The following ZNF438 variants were observed in gnomAD, a reference collection of about 807,000 sequenced individuals.
ZNF438 encodes zinc finger protein 438.
A neutral mutation model predicts 38.0 loss-of-function variants in ZNF438; 25 were observed. That is an observed-to-expected ratio of 0.66 (90% CI 0.48 to 0.92). The LOEUF (loss-of-function observed/expected upper bound fraction) is 0.92. ZNF438 is among the 40% of genes least tolerant of loss of function. The pLI is 0.00. For missense variants in ZNF438, 1,007 were observed against 999.6 expected (o/e 1.01, Z -0.10); for synonymous variants, 372 against 364.1 (o/e 1.02, Z -0.25).
chr10:30,978,625 A>AC (rs1205188061), intron 1 of ZNF438, among the ~76,000 whole-genome samples: 1 of 152,082 alleles, frequency 6.6e-6, no homozygotes, highest in Non-Finnish European at 1.5e-5. Context: ...GTCACAACCC[A>AC]CCCTTAGCTG....
chr10:30,901,124 C>T (rs141212758), intron 3 of ZNF438, among the ~76,000 whole-genome samples: 22 of 152,256 alleles, frequency 1.4e-4, no homozygotes, highest in African/African-American at 4.6e-4. Context: ...ATCAGGAAGT[C>T]GCCTTTCTTA....
intron 4 of ZNF438, among the ~76,000 whole-genome samples, chr10:30,854,545 C>T (rs1259601028): frequency 6.6e-6 from 1 of 152,076 alleles, no homozygotes; most frequent in African/African-American, 2.4e-5. Flanking sequence ...AAAAAAAGAA[C>T]ACAATTTAAA....
At chr10:30,913,132 G>C (rs2043248186) in intron 2 of ZNF438, among the ~76,000 whole-genome samples, 1 of 152,060 alleles carries the variant, frequency 6.6e-6, no homozygotes, top group African/African-American at 2.4e-5. Flanking sequence ...CATCCACGCT[G>C]CAGCCAAAAG....
intron 5 of ZNF438, among the ~76,000 whole-genome samples, chr10:30,846,282 GA>G (rs1465666578): frequency 1.3e-5 from 2 of 152,246 alleles, no homozygotes; most frequent in Non-Finnish European, 2.9e-5. Flanking sequence ...GCACCCAGCT[GA>G]AGGTGCAGCC....
intron 1 of ZNF438, among the ~76,000 whole-genome samples, chr10:31,002,655 C>T (rs989557117): frequency 1.3e-5 from 2 of 152,194 alleles, no homozygotes; most frequent in Non-Finnish European, 2.9e-5. Context: ...TCCAATCCTA[C>T]TCCCACTCCC....
chr10:30,903,338 A>G (rs1043383093), intron 3 of ZNF438, among the ~76,000 whole-genome samples: 6 of 152,246 alleles, frequency 3.9e-5, no homozygotes, highest in Non-Finnish European at 7.3e-5. Flanking sequence ...GGCTGCCAGC[A>G]CACTGTCACC....
chr10:30,958,441 A>C (rs1366111803), intron 1 of ZNF438, among the ~76,000 whole-genome samples: 1 of 147,294 alleles, frequency 6.8e-6, no homozygotes, highest in Non-Finnish European at 1.5e-5. Context: ...GAGAGCTTAG[A>C]GCAAAATCCA....
At chr10:31,020,464 A>G (rs1376619313) in intron 1 of ZNF438, among the ~76,000 whole-genome samples, 1 of 152,166 alleles carries the variant, frequency 6.6e-6, no homozygotes, top group African/African-American at 2.4e-5. Context: ...ACGTTGTTGA[A>G]CTACAGGGTA....
intron 3 of ZNF438, among the ~76,000 whole-genome samples, chr10:30,906,286 G>A (rs1406384262): frequency 6.6e-6 from 1 of 152,028 alleles, no homozygotes; most frequent in African/African-American, 2.4e-5. Flanking sequence ...TTGCTTATTT[G>A]TAAATATTTA....
chr10:30,931,110 A>AT (rs2045644146), intron 2 of ZNF438, among the ~76,000 whole-genome samples: 1 of 152,134 alleles, frequency 6.6e-6, no homozygotes, highest in Non-Finnish European at 1.5e-5. Context: ...GGTCAAAGAG[A>AT]GTCAATCCAC....
intron 2 of ZNF438, among the ~76,000 whole-genome samples, chr10:30,923,582 C>T (rs1384792653): frequency 1.3e-5 from 2 of 152,172 alleles, no homozygotes; most frequent in Non-Finnish European, 2.9e-5. Flanking sequence ...CGCACCCTTT[C>T]CCCCAATGAT....
chr10:30,872,812 A>C (rs930678514), intron 4 of ZNF438, among the ~76,000 whole-genome samples: 3 of 151,864 alleles, frequency 2.0e-5, no homozygotes, highest in African/African-American at 7.2e-5. Context: ...TTAAATGAAG[A>C]TTCCTTCCTG....
intron 1 of ZNF438, among the ~76,000 whole-genome samples, chr10:31,004,206 CCT>C (rs1554917232): frequency 6.6e-6 from 1 of 152,128 alleles, no homozygotes; most frequent in South Asian, 2.1e-4. Context: ...CAAGACATCC[CCT>C]GACACTGAAA....
intron 3 of ZNF438, among the ~76,000 whole-genome samples, chr10:30,883,789 G>A (rs1385670228): frequency 6.6e-6 from 1 of 152,202 alleles, no homozygotes; most frequent in Non-Finnish European, 1.5e-5. Context: ...TGGAAGCTGA[G>A]GTGGGAGGAT....
intron 1 of ZNF438, among the ~76,000 whole-genome samples, chr10:30,996,040 T>C (rs2054012785): frequency 6.6e-6 from 1 of 152,116 alleles, no homozygotes; most frequent in Non-Finnish European, 1.5e-5. Flanking sequence ...GAAGTGAAAT[T>C]CTTATAAATC....
chr10:30,882,645 G>T (rs2039421239), intron 3 of ZNF438, among the ~76,000 whole-genome samples: 1 of 152,172 alleles, frequency 6.6e-6, no homozygotes, highest in Non-Finnish European at 1.5e-5. Flanking sequence ...AAACTATAGT[G>T]GCAGAAAGCA....
intron 2 of ZNF438, among the ~76,000 whole-genome samples, chr10:30,911,294 T>C (rs990364664): frequency 3.9e-5 from 6 of 152,176 alleles, no homozygotes; most frequent in African/African-American, 9.7e-5. Context: ...CTTAGTGAGA[T>C]AGGGGCCCTG....
chr10:30,918,272 A>G (rs2043879177), intron 2 of ZNF438, among the ~76,000 whole-genome samples: 1 of 152,128 alleles, frequency 6.6e-6, no homozygotes, highest in Admixed American at 6.6e-5. Context: ...TTACATTTCT[A>G]TGTAACTTTT....
At chr10:30,974,621 T>G (rs914965530) in intron 1 of ZNF438, among the ~76,000 whole-genome samples, 26 of 152,220 alleles carry the variant, frequency 1.7e-4, no homozygotes, top group Non-Finnish European at 2.1e-4. Flanking sequence ...CATAAACATG[T>G]GAGCCATATA....
Sources: gnomAD v4.1 joint callset for allele counts (sites outside exome capture counted in the v4.1 genomes callset) on GRCh38, gnomAD v4.1.1 for gene constraint, MANE v1.5 for transcripts, NCBI Gene and HGNC (gene_info 2026-07-23, HGNC 2026-07-21) for gene names.